Variants in CEP350 observed in about 807,000 individuals in gnomAD.
CEP350 encodes the protein centrosomal protein 350, also known as centrosome-associated protein 350.
A neutral mutation model predicts 331.8 loss-of-function variants in CEP350; 126 were observed. That is an observed-to-expected ratio of 0.38 (90% CI 0.33 to 0.44). The LOEUF (loss-of-function observed/expected upper bound fraction) is 0.44, where lower values mean the gene tolerates loss of function less well. Ranked by LOEUF, CEP350 falls within the 20% of genes least tolerant of loss-of-function variation. The pLI is 1.00. For missense variants in CEP350, 3,406 were observed against 3,634.6 expected (o/e 0.94, Z 1.62); for synonymous variants, 1,200 against 1,259.5 (o/e 0.95, Z 1.00).
chr1:180,078,366 G>A, intron 28 of CEP350, 97 bp from the exon 29 acceptor site: 1 of 845,186 alleles, frequency 1.2e-6, no homozygotes, highest in South Asian at 1.7e-5. Flanking sequence ...CAAAAATGCA[G>A]TAAGTAATAA....
At chr1:179,987,795 G>A (rs1048856914) in intron 3 of CEP350, among the ~76,000 whole-genome samples, 2 of 151,692 alleles carry the variant, frequency 1.3e-5, no homozygotes, top group African/African-American at 2.4e-5. Flanking sequence ...GCCTGGTGGT[G>A]TGCACCTGTA....
intron 17 of CEP350, among the ~76,000 whole-genome samples, chr1:180,039,459 T>A (rs1159322036): frequency 6.6e-6 from 1 of 152,208 alleles, no homozygotes; most frequent in Non-Finnish European, 1.5e-5. Context: ...TTGGATTTGA[T>A]GTGAGGAAGA....
At chr1:180,031,279 C>A in intron 14 of CEP350, 41 bp from the exon 15 acceptor site, 2 of 1,213,744 alleles carry the variant, frequency 1.6e-6, no homozygotes, top group Non-Finnish European at 2.4e-6. Context: ...TCAATAACTT[C>A]TAATATTGGG....
chr1:180,069,576 C>G (rs1658764836), intron 27 of CEP350, among the ~76,000 whole-genome samples: 1 of 152,034 alleles, frequency 6.6e-6, no homozygotes, highest in Admixed American at 6.6e-5. Context: ...GCAGGAATTC[C>G]TAGGTCAGGA....
chr1:179,959,487 T>C (rs1036356734), intron 1 of CEP350, among the ~76,000 whole-genome samples: 1 of 150,630 alleles, frequency 6.6e-6, no homozygotes, highest in South Asian at 2.1e-4. Context: ...GGGTGCGGTG[T>C]CTCATGCCTA....
At chr1:179,967,065 G>A (rs1651069286) in intron 1 of CEP350, among the ~76,000 whole-genome samples, 1 of 152,178 alleles carries the variant, frequency 6.6e-6, no homozygotes, top group South Asian at 2.1e-4. Context: ...TTCCAAACCA[G>A]AATAGGTTCA....
chr1:180,054,014 C>T, intron 24 of CEP350, 80 bp downstream of exon 24: 2 of 1,153,944 alleles, frequency 1.7e-6, no homozygotes, highest in Non-Finnish European at 2.4e-6. Flanking sequence ...TTTTTGTTTC[C>T]TCATTTCATT....
intron 1 of CEP350, among the ~76,000 whole-genome samples, chr1:179,963,214 C>T (rs935662729): frequency 6.6e-6 from 1 of 151,692 alleles, no homozygotes; most frequent in African/African-American, 2.4e-5. Context: ...GGATCCTAGT[C>T]CTTTGTCAGA....
chr1:180,048,913 A>C (rs563046401), intron 22 of CEP350, among the ~76,000 whole-genome samples: 5 of 152,302 alleles, frequency 3.3e-5, no homozygotes, highest in Admixed American at 6.5e-5. Flanking sequence ...CTACAAAAAA[A>C]TTAAAAATTA....
chr1:180,075,325 G>T (rs375655312), intron 28 of CEP350, 104 bp downstream of exon 28: 10 of 1,187,758 alleles, frequency 8.4e-6, no homozygotes, highest in Non-Finnish European at 1.2e-5. Flanking sequence ...AGTGGCTCAC[G>T]CCTGTAATCC....
intron 30 of CEP350, among the ~76,000 whole-genome samples, chr1:180,083,354 A>G (rs1340509474): frequency 1.3e-5 from 2 of 152,212 alleles, no homozygotes; most frequent in African/African-American, 2.4e-5. Context: ...ATAATGAAAT[A>G]TCTTTTTCAT....
At chr1:180,010,053 T>TA (rs1654525393) in intron 8 of CEP350, among the ~76,000 whole-genome samples, 1 of 152,134 alleles carries the variant, frequency 6.6e-6, no homozygotes, top group Admixed American at 6.5e-5. Context: ...TATGTTTCCT[T>TA]ACATTCATTT....
At chr1:179,986,833 G>GTT (rs1652679210) in intron 2 of CEP350, among the ~76,000 whole-genome samples, 1 of 152,106 alleles carries the variant, frequency 6.6e-6, no homozygotes, top group Non-Finnish European at 1.5e-5. Context: ...TTTTACCTAT[G>GTT]TTTTTACTGG....
chr1:180,030,417 C>T (rs1366155576), intron 14 of CEP350, among the ~76,000 whole-genome samples: 4 of 149,702 alleles, frequency 2.7e-5, no homozygotes, highest in Admixed American at 2.7e-4. Context: ...AATTTATATG[C>T]AGTTTTGTAA....
At chr1:180,090,084 G>A (rs958190826) in intron 32 of CEP350, among the ~76,000 whole-genome samples, 1 of 152,186 alleles carries the variant, frequency 6.6e-6, no homozygotes, top group Admixed American at 6.5e-5. Context: ...AAATAAGAGA[G>A]AGACAAATTT....
At chr1:180,007,598 C>T (rs1654344448) in intron 8 of CEP350, among the ~76,000 whole-genome samples, 1 of 152,156 alleles carries the variant, frequency 6.6e-6, no homozygotes, top group African/African-American at 2.4e-5. Flanking sequence ...TACAGAAGCT[C>T]TTCAGTTTAA....
At chr1:179,989,397 C>T (rs1299024618) in intron 3 of CEP350, among the ~76,000 whole-genome samples, 1 of 150,008 alleles carries the variant, frequency 6.7e-6, no homozygotes, top group Non-Finnish European at 1.5e-5. Context: ...GTGGGAGGAT[C>T]GCTTGAGCCC....
chr1:180,005,741 C>T (rs895842603), intron 7 of CEP350, among the ~76,000 whole-genome samples: 1 of 152,136 alleles, frequency 6.6e-6, no homozygotes, highest in African/African-American at 2.4e-5. Flanking sequence ...ACCGTAGTTC[C>T]TACTAATCTT....
intron 37 of CEP350, among the ~76,000 whole-genome samples, chr1:180,106,194 T>G (rs1021349115): frequency 1.3e-5 from 2 of 152,348 alleles, no homozygotes; most frequent in East Asian, 3.9e-4. Context: ...GCACCTAAGA[T>G]GACAAATCTT....
Sources: gnomAD v4.1 joint callset for allele counts (sites outside exome capture counted in the v4.1 genomes callset) on GRCh38, gnomAD v4.1.1 for gene constraint, MANE v1.5 for transcripts, NCBI Gene and HGNC (gene_info 2026-07-23, HGNC 2026-07-21) for gene names.